MYO16: variants seen among roughly 807,000 people sequenced by gnomAD.
MYO16 encodes myosin XVI, also known as unconventional myosin-XVI.
A neutral mutation model predicts 205.3 loss-of-function variants in MYO16; 94 were observed. The ratio of observed to expected loss-of-function variants is 0.46; its 90% CI spans 0.39 to 0.54. The LOEUF (loss-of-function observed/expected upper bound fraction) is 0.54, where lower values mean the gene tolerates loss of function less well. Among genes scored for constraint, MYO16 ranks in the 20% least tolerant of loss-of-function variants. MYO16 has a pLI of 0.00. For synonymous variants in MYO16, 988 were observed against 954.0 expected (o/e 1.04, Z -0.66); for missense variants, 2,315 against 2,387.5 (o/e 0.97, Z 0.63).
chr13:109,186,851 C>A (rs1271967827), intron 34 of MYO16, among the ~76,000 whole-genome samples: 1 of 152,142 alleles, frequency 6.6e-6, no homozygotes, highest in Non-Finnish European at 1.5e-5. Flanking sequence ...CTCTAACTTA[C>A]AACTGGGGGA....
chr13:108,887,534 AT>A (rs1216302685), intron 13 of MYO16, among the ~76,000 whole-genome samples: 1 of 152,162 alleles, frequency 6.6e-6, no homozygotes, highest in Non-Finnish European at 1.5e-5. Context: ...TCAATCCTAT[AT>A]CATATAGTGT....
intron 28 of MYO16, among the ~76,000 whole-genome samples, chr13:109,117,536 T>C (rs74502796): frequency 0.13 from 19,638 of 148,488 alleles, 1,600 homozygotes; most frequent in Middle Eastern, 0.21. Context: ...TACACACACA[T>C]ATATATATAA....
At chr13:109,129,981 CA>C (rs34860945) in intron 31 of MYO16, among the ~76,000 whole-genome samples, 23,038 of 98,884 alleles carry the variant, frequency 0.23, 1,936 homozygotes, top group Non-Finnish European at 0.29. Flanking sequence ...CTATGGGCAG[CA>C]AAAAAAAAAA....
At chr13:109,203,511 T>C (rs1397062456) in intron 34 of MYO16, among the ~76,000 whole-genome samples, 7 of 152,080 alleles carry the variant, frequency 4.6e-5, no homozygotes, top group Non-Finnish European at 7.4e-5. Context: ...GCTTTCACTC[T>C]TACTGTAGTT....
intron 15 of MYO16, among the ~76,000 whole-genome samples, chr13:108,899,669 C>A (rs7330298): frequency 6.6e-6 from 1 of 151,994 alleles, no homozygotes; most frequent in Non-Finnish European, 1.5e-5. Flanking sequence ...GGGAAGGGGC[C>A]GGATTTACTT....
chr13:108,625,293 T>G (rs973298145), upstream of MYO16, among the ~76,000 whole-genome samples: 2 of 152,114 alleles, frequency 1.3e-5, no homozygotes, highest in African/African-American at 2.4e-5. Flanking sequence ...AGGAACAACC[T>G]CCACAGTCAC....
intron 12 of MYO16, among the ~76,000 whole-genome samples, chr13:108,878,525 C>T (rs1328686967): frequency 1.3e-5 from 2 of 152,184 alleles, no homozygotes; most frequent in Non-Finnish European, 2.9e-5. Context: ...CCTTCAAGTC[C>T]GTGTGTGATC....
In MYO16 at chr13:109,164,886, T is replaced by TAA; in HGVS notation, c.5165-12_5165-11dup. 6.6e-7 allele frequency: 1 copy of TAA among 1,516,012 alleles called. No homozygotes were observed. 93.9% of individuals were successfully genotyped at this position (1,516,012 alleles called of 1,614,324 possible). A position where few individuals can be genotyped will look rare whatever the true frequency, so the allele number is the denominator to read the frequency against. On this transcript the variant is annotated splice_polypyrimidine_tract_variant and intron_variant, in intron 32 of 34. Transcript: ENST00000457511. ...GTTATCAGAAAATAATTATGTTTTC[T>TAA]AAAATTTATTTTAGGTTTTGAAACT...
intron 23 of MYO16, among the ~76,000 whole-genome samples, chr13:109,044,013 C>T (rs1886963687): frequency 6.6e-6 from 1 of 152,142 alleles, no homozygotes; most frequent in Non-Finnish European, 1.5e-5. Context: ...AACTTCTTAG[C>T]AGCCAGACAG....
chr13:109,152,741 G>A (rs1204500342), intron 32 of MYO16, among the ~76,000 whole-genome samples: 1 of 152,200 alleles, frequency 6.6e-6, no homozygotes, highest in Admixed American at 6.5e-5. Flanking sequence ...CCTATGGCAT[G>A]CCTCCGGATA....
intron 2 of MYO16, among the ~76,000 whole-genome samples, chr13:108,671,352 T>C (rs1881981170): frequency 6.6e-6 from 1 of 152,208 alleles, no homozygotes; most frequent in Admixed American, 6.5e-5. Context: ...GTATACACCC[T>C]TCCTATATGC....
intron 4 of MYO16, among the ~76,000 whole-genome samples, chr13:108,770,317 T>C (rs1424833181): frequency 2.0e-5 from 3 of 152,224 alleles, no homozygotes; most frequent in Admixed American, 6.5e-5. Context: ...ATTTTTACTG[T>C]CTTTAAATTT....
At chr13:109,134,904 A>G (rs1172544820) in intron 31 of MYO16, among the ~76,000 whole-genome samples, 1 of 152,132 alleles carries the variant, frequency 6.6e-6, no homozygotes, top group Non-Finnish European at 1.5e-5. Flanking sequence ...GGACAAAACA[A>G]TTTGTATCCC....
At chr13:109,007,008 GA>G (rs758764812) in intron 21 of MYO16, among the ~76,000 whole-genome samples, 3 of 152,168 alleles carry the variant, frequency 2.0e-5, no homozygotes, top group Non-Finnish European at 4.4e-5. Context: ...CTCCATGGAA[GA>G]AGAGAAACCG....
chr13:108,833,815 T>C (rs985457919), intron 9 of MYO16, among the ~76,000 whole-genome samples: 7 of 152,148 alleles, frequency 4.6e-5, no homozygotes, highest in Non-Finnish European at 8.8e-5. Context: ...CTCATCTATT[T>C]TTTTTCACAG....
Position 108,735,703 on chromosome 13 carries a change from C to T in MYO16, c.507+8120C>T, listed in dbSNP as rs540169423. Among the ~76,000 whole-genome samples the T allele has an allele frequency of 5.5e-3, 824 of 150,894 alleles. 6 individuals carry two copies. The highest frequency in any genetic ancestry group is 0.019 in the African/African-American group (771 of 41,078). ...AAATGGTATTTCTAGTTCTAGATCC[C>T]TGAGGAATCGCCACACTGACTTCCA... On this transcript the variant is annotated intron_variant, in intron 4 of 34. Transcript: ENST00000457511.
At chr13:109,008,833 A>G (rs1435986259) in intron 21 of MYO16, 64 bp from the exon 22 acceptor site, 5 of 1,230,016 alleles carry the variant, frequency 4.1e-6, no homozygotes, top group Non-Finnish European at 4.6e-6. Flanking sequence ...CTACTGTACT[A>G]TCTATCTTGT....
chr13:109,089,697 G>T lies in MYO16; in HGVS notation c.3336-11088G>T, dbSNP rs76766678. 3.7e-3 allele frequency among the ~76,000 whole-genome samples: 561 copies of T among 152,286 alleles called. 2 individuals carry two copies. The highest frequency in any genetic ancestry group is 0.013 in the African/African-American group (548 of 41,556). On this transcript the variant is annotated intron_variant, in intron 27 of 34. Transcript: ENST00000457511. ...TAAGATGCTAGCTTTGCAATAAACT[G>T]ACTGTCTTATGACATAATGCCTTAA...
At chr13:109,200,652 A>C (rs1880357249) in intron 34 of MYO16, among the ~76,000 whole-genome samples, 1 of 152,132 alleles carries the variant, frequency 6.6e-6, no homozygotes, top group South Asian at 2.1e-4. Context: ...TTTTTTCCAA[A>C]AAGAGAAGCA....
Sources: allele counts gnomAD v4.1 joint callset (sites outside exome capture counted in the v4.1 genomes callset), GRCh38; gene constraint gnomAD v4.1.1; transcripts MANE v1.5; gene names NCBI Gene and HGNC (gene_info 2026-07-23, HGNC 2026-07-21).